Variants in LAMA4 observed in about 807,000 individuals in gnomAD.
LAMA4 encodes the protein laminin subunit alpha 4.
In LAMA4, 127 loss-of-function variants were observed where a neutral mutation model predicts 207.1. The observed-to-expected ratio is 0.61, with a 90% CI of 0.53 to 0.71. The LOEUF is 0.71. Among genes scored for constraint, LAMA4 ranks in the 30% least tolerant of loss-of-function variants. LAMA4 has a pLI of 0.00. For synonymous variants in LAMA4, 761 were observed against 816.0 expected, an observed-to-expected ratio of 0.93 and a Z score of 1.15; for missense variants, 2,093 against 2,246.5, an observed-to-expected ratio of 0.93 and a Z score of 1.38.
intron 15 of LAMA4, 158 bp downstream of exon 15, chr6:112,155,407 C>T: frequency 2.7e-6 from 2 of 740,242 alleles, no homozygotes; most frequent in South Asian, 3.4e-5. Flanking sequence ...CAGACTGAAA[C>T]CTTCAAGGCA....
chr6:112,190,305 CTCCT>C (rs2114953983), intron 6 of LAMA4, among the ~76,000 whole-genome samples: 1 of 152,322 alleles, frequency 6.6e-6, no homozygotes, highest in South Asian at 2.1e-4. Context: ...AGACACAGTG[CTCCT>C]TCCTTTCTGC....
chr6:112,133,348 CAAGT>C lies in LAMA4; in HGVS notation c.3693_3696del (p.Leu1232TyrfsTer63), dbSNP rs781810291. On this transcript the variant is annotated frameshift_variant and splice_region_variant, in exon 27 of 39. Coordinates refer to ENST00000230538, the MANE Select transcript of LAMA4 (RefSeq NM_001105206.3). LOFTEE classifies it high-confidence loss of function. Reference sequence around the variant, plus strand: ...AAAGCTTTTGACTGAGTGGTTCTTACAAGTGAGTCTTCTGGGCATCCATAACCAA... The same window carrying C: ...AAAGCTTTTGACTGAGTGGTTCTTACGAGTCTTCTGGGCATCCATAACCAA... 1 of 1,613,690 alleles carries C rather than the reference CAAGT, an allele frequency of 6.2e-7. No individual in the cohort carries two copies. The highest frequency in any genetic ancestry group is 1.1e-5 in the South Asian group (1 of 91,078).
At chr6:112,150,663 C>G (rs782337995) in intron 16 of LAMA4, 36 bp from the exon 17 acceptor site, 1 of 1,426,102 alleles carries the variant, frequency 7.0e-7, no homozygotes, top group Non-Finnish European at 9.9e-7. Flanking sequence ...ACTAGTGGAG[C>G]CAAGATGCCT....
At chr6:112,179,922 C>T (rs1782249064) in intron 9 of LAMA4, 1 of 532,830 alleles carries the variant, frequency 1.9e-6, no homozygotes, top group African/African-American at 1.9e-5. Context: ...TCCTGCAATT[C>T]CAGTCTTCTT....
At chr6:112,239,814 A>G (rs1464500504) in intron 2 of LAMA4, among the ~76,000 whole-genome samples, 2 of 152,160 alleles carry the variant, frequency 1.3e-5, no homozygotes, top group African/African-American at 4.8e-5. Context: ...CTGTAATCTC[A>G]GCACTTTGGG....
rs1787690332 is a variant in LAMA4 at position 112,254,156 on chromosome 6, C to G, written c.-6G>C. The G allele has an allele frequency of 6.2e-7, 1 of 1,612,680 alleles. No homozygotes were observed. ...CAGGCTGAGCTCAAAGCCATTTCTC[C>G]GCTGACATCCAGTAGTGCTCTTCCA... On this transcript the variant is annotated 5_prime_UTR_variant, in exon 2 of 39. Transcript: ENST00000230538.
intron 14 of LAMA4, chr6:112,157,872 C>A (rs1780813129): frequency 6.6e-6 from 1 of 152,180 alleles, no homozygotes; most frequent in Non-Finnish European, 1.5e-5. Flanking sequence ...ACTGACACAC[C>A]AAGATTTTAT....
chr6:112,214,271 A>T (rs1469449144), intron 3 of LAMA4, among the ~76,000 whole-genome samples: 3 of 151,992 alleles, frequency 2.0e-5, no homozygotes, highest in African/African-American at 7.2e-5. Context: ...TATTGTACAG[A>T]TGGGATCTCA....
chr6:112,182,844 G>C (rs1266682524), intron 9 of LAMA4, among the ~76,000 whole-genome samples: 1 of 152,136 alleles, frequency 6.6e-6, no homozygotes, highest in Non-Finnish European at 1.5e-5. Flanking sequence ...TAGAATCTTG[G>C]CACGATCTTT....
chr6:112,254,230 T>A lies in LAMA4; in HGVS notation c.-80A>T. 1 of 1,576,912 alleles carries A rather than the reference T, an allele frequency of 6.3e-7. No homozygotes were observed. Among genetic ancestry groups the A allele is most frequent in the Non-Finnish European group, 8.7e-7 (1 of 1,154,340 alleles). Reference sequence around the variant, plus strand: ...GTAGGTCTCCCGCGTGGTGCGGCGGTGCCTCGCTTATTTTCCCTCCTCTCC... The same window carrying A: ...GTAGGTCTCCCGCGTGGTGCGGCGGAGCCTCGCTTATTTTCCCTCCTCTCC... On this transcript the variant is annotated 5_prime_UTR_variant, in exon 2 of 39. Coordinates refer to ENST00000230538, the MANE Select transcript of LAMA4 (RefSeq NM_001105206.3).
rs375520780 is a variant in LAMA4, at chr6:112,234,787, T to A, written c.196-18318A>T. The A allele has an allele frequency of 3.9e-5, 6 of 152,268 alleles. No homozygotes were observed. The East Asian group carries it at 7.7e-4, about 20-fold the overall frequency. The allele number at this position is 152,268 out of a possible 1,614,324, so 9.4% of individuals were successfully genotyped here. A position where few individuals can be genotyped will look rare whatever the true frequency, so the allele number is the denominator to read the frequency against. ...TTGATATACTGCATGTCCAAAAACA[T>A]AGGGCACAGGAAAAATGTGCTTCAT... On this transcript the variant is annotated intron_variant, in intron 2 of 38. Coordinates refer to ENST00000230538, the MANE Select transcript of LAMA4 (RefSeq NM_001105206.3).
intron 2 of LAMA4, among the ~76,000 whole-genome samples, chr6:112,240,544 C>A (rs1464061593): frequency 1.3e-5 from 2 of 152,198 alleles, no homozygotes; most frequent in Non-Finnish European, 2.9e-5. Context: ...TCTCCACCAA[C>A]CCCCTACTAC....
intron 2 of LAMA4, among the ~76,000 whole-genome samples, chr6:112,246,005 A>G (rs1426287977): frequency 6.6e-6 from 1 of 152,220 alleles, no homozygotes; most frequent in Non-Finnish European, 1.5e-5. Flanking sequence ...CATGATAAAA[A>G]GACTCAGATT....
intron 5 of LAMA4, among the ~76,000 whole-genome samples, chr6:112,195,962 C>T (rs1243362158): frequency 8.7e-6 from 1 of 114,332 alleles, no homozygotes; most frequent in Non-Finnish European, 1.7e-5. Context: ...CACACACACA[C>T]ACACTACACA....
chr6:112,162,965 C>CTTTTTTTTTTTTTT (rs34824903), intron 13 of LAMA4, among the ~76,000 whole-genome samples: 165 of 91,282 alleles, frequency 1.8e-3, no homozygotes, highest in African/African-American at 7.1e-3. Flanking sequence ...CAGCTCAAAT[C>CTTTTTTTTTTTTTT]TTTTTTTTTT....
intron 2 of LAMA4, among the ~76,000 whole-genome samples, chr6:112,237,768 C>A (rs1201405614): frequency 1.3e-5 from 2 of 152,184 alleles, no homozygotes; most frequent in Admixed American, 6.5e-5. Flanking sequence ...TGGCGATGAT[C>A]CCAGCATCTG....
intron 2 of LAMA4, among the ~76,000 whole-genome samples, chr6:112,235,133 A>G (rs1785823819): frequency 6.6e-6 from 1 of 152,182 alleles, no homozygotes; most frequent in Admixed American, 6.5e-5. Flanking sequence ...TGCCTCCCAA[A>G]AACCTTCCTA....
At chr6:112,240,636 G>A (rs1554187463) in intron 2 of LAMA4, among the ~76,000 whole-genome samples, 1 of 152,126 alleles carries the variant, frequency 6.6e-6, no homozygotes, top group Non-Finnish European at 1.5e-5. Context: ...CCACAAATAA[G>A]TGAGAACATG....
intron 20 of LAMA4, 126 bp downstream of exon 20, chr6:112,141,993 A>C: frequency 1.1e-6 from 1 of 875,560 alleles, no homozygotes; most frequent in Non-Finnish European, 1.9e-6. Context: ...CATTAAAATG[A>C]GATCTTCTGA....
Sources: allele counts gnomAD v4.1 joint callset (sites outside exome capture counted in the v4.1 genomes callset), GRCh38; gene constraint gnomAD v4.1.1; transcripts MANE v1.5; gene names NCBI Gene and HGNC (gene_info 2026-07-23, HGNC 2026-07-21).